Variants in EFCAB6 observed in about 807,000 individuals in gnomAD.
EFCAB6 encodes EF-hand calcium-binding domain-containing protein 6.
EFCAB6 carries 156 observed loss-of-function variants against 169.8 expected under a neutral mutation model. The ratio of observed to expected loss-of-function variants is 0.92; its 90% CI spans 0.81 to 1.05. The LOEUF (loss-of-function observed/expected upper bound fraction) is 1.05, where lower values mean the gene tolerates loss of function less well. Among genes scored for constraint, EFCAB6 ranks in the 50% least tolerant of loss-of-function variants. The pLI is 0.00. For missense variants in EFCAB6, 1,800 were observed against 1,829.1 expected (o/e 0.98, Z 0.29); for synonymous variants, 698 against 676.4 (o/e 1.03, Z -0.50).
intron 10 of EFCAB6, among the ~76,000 whole-genome samples, chr22:43,695,387 G>C (rs1363373851): frequency 6.6e-6 from 1 of 151,848 alleles, no homozygotes; most frequent in Non-Finnish European, 1.5e-5. Context: ...TTTATGGAGT[G>C]GAAAACAATA....
intron 26 of EFCAB6, among the ~76,000 whole-genome samples, chr22:43,564,562 G>C (rs1412097121): frequency 2.0e-5 from 3 of 152,180 alleles, no homozygotes; most frequent in African/African-American, 7.2e-5. Context: ...AAAGCTCTAA[G>C]GGAGAAGCTG....
chr22:43,684,201 C>G (rs545144623), intron 11 of EFCAB6, among the ~76,000 whole-genome samples: 4 of 152,192 alleles, frequency 2.6e-5, no homozygotes, highest in Non-Finnish European at 4.4e-5. Flanking sequence ...GGGAGCCCCC[C>G]CTCCTGTGTG....
chr22:43,738,909 C>T lies in EFCAB6; in HGVS notation c.508-2916G>A, dbSNP rs145235346. 2.0e-5 allele frequency among the ~76,000 whole-genome samples: 3 copies of T among 152,324 alleles called. No individual in the cohort carries two copies. In the East Asian group the frequency reaches 5.8e-4, roughly 29 times the overall value. Reference sequence around the variant, plus strand: ...TGTTGTAAGGGATCAAGGGATGAACCTCCGTGATCCTACCTATGGCCAGGT... The same window carrying T: ...TGTTGTAAGGGATCAAGGGATGAACTTCCGTGATCCTACCTATGGCCAGGT... On this transcript the variant is annotated intron_variant, in intron 6 of 31. Coordinates refer to ENST00000262726, the MANE Select transcript of EFCAB6 (RefSeq NM_022785.4).
At chr22:43,636,546 G>A (rs561548566) in intron 17 of EFCAB6, among the ~76,000 whole-genome samples, 1 of 151,796 alleles carries the variant, frequency 6.6e-6, no homozygotes, top group South Asian at 2.1e-4. Flanking sequence ...AGGGAGTTTG[G>A]GTCACTTTTC....
At chr22:43,804,294 C>G (rs1266208266) in intron 2 of EFCAB6, among the ~76,000 whole-genome samples, 1 of 152,048 alleles carries the variant, frequency 6.6e-6, no homozygotes, top group Admixed American at 6.5e-5. Context: ...AAATCCAACA[C>G]ACCAAAGTCT....
At chr22:43,792,004 G>A (rs567467185) in intron 2 of EFCAB6, among the ~76,000 whole-genome samples, 1 of 152,306 alleles carries the variant, frequency 6.6e-6, no homozygotes, top group South Asian at 2.1e-4. Flanking sequence ...ACAAGTAGCA[G>A]GATGAGCCTT....
At chr22:43,777,416 A>T (rs1055030701) in intron 3 of EFCAB6, among the ~76,000 whole-genome samples, 1 of 152,214 alleles carries the variant, frequency 6.6e-6, no homozygotes, top group African/African-American at 2.4e-5. Context: ...GAACAGAGGA[A>T]TGAGCACAGC....
chr22:43,645,731 T>C (rs1312652080), intron 17 of EFCAB6, among the ~76,000 whole-genome samples: 1 of 152,220 alleles, frequency 6.6e-6, no homozygotes, highest in African/African-American at 2.4e-5. Context: ...TGGAAATGTA[T>C]AAAATTGGAC....
At chr22:43,737,453 TACACACACACCCCTGTGCATATATTC>T (rs1054778480) in intron 6 of EFCAB6, among the ~76,000 whole-genome samples, 2 of 136,792 alleles carry the variant, frequency 1.5e-5, no homozygotes, top group Admixed American at 7.5e-5. Context: ...CATATATTCA[TACACACACACCCCTGTGCATATATTC>T]ACACACACAC....
chr22:43,712,825 A>T (rs1173045036), intron 9 of EFCAB6, among the ~76,000 whole-genome samples: 1 of 152,190 alleles, frequency 6.6e-6, no homozygotes, highest in African/African-American at 2.4e-5. Flanking sequence ...TGCGATGATC[A>T]AGAGCTTTTA....
intron 27 of EFCAB6, among the ~76,000 whole-genome samples, chr22:43,548,385 C>T (rs1422532331): frequency 1.3e-5 from 2 of 148,966 alleles, no homozygotes; most frequent in Non-Finnish European, 3.0e-5. Flanking sequence ...TACTAAAATA[C>T]AAAAATTAGC....
chr22:43,635,157 T>G lies in EFCAB6; in HGVS notation c.2043A>C (p.Lys681Asn). 1 of 1,614,118 alleles carries G rather than the reference T, an allele frequency of 6.2e-7. No individual in the cohort carries two copies. The highest frequency in any genetic ancestry group is 8.5e-7 in the Non-Finnish European group (1 of 1,180,012). ...TCATCCCTTCCTTCTCGAAGCCTAT[T>G]TTAGTGGTCAGCAGGGCATACTGAT... The part of the protein sequence containing the change: ...DDDQYALLTT[K>N]IGFEKEGMSY... The change falls in exon 18 of 32, where the codon AAA becomes AAC. Residue 681 changes from lysine (K) to asparagine (N), a missense_variant. Transcript: ENST00000262726.
intron 12 of EFCAB6, among the ~76,000 whole-genome samples, chr22:43,682,083 C>T (rs1246242959): frequency 1.3e-5 from 2 of 152,190 alleles, no homozygotes; most frequent in Admixed American, 6.5e-5. Flanking sequence ...CCAGCCCTGC[C>T]CACTCCTGGC....
chr22:43,739,277 C>T (rs1280586833), intron 6 of EFCAB6, among the ~76,000 whole-genome samples: 2 of 152,248 alleles, frequency 1.3e-5, no homozygotes, highest in Non-Finnish European at 2.9e-5. Flanking sequence ...TTTGACACAG[C>T]TGCTTGGCCC....
rs6006546 is a variant in EFCAB6 at position 43,795,643 on chromosome 22, G to A, written c.-7-13318C>T. On this transcript the variant is annotated intron_variant, in intron 2 of 31. Coordinates refer to ENST00000262726, the MANE Select transcript of EFCAB6 (RefSeq NM_022785.4). This position sits in a 1 kb window ranked among gnomAD's most constrained non-coding sequence, Gnocchi z 4.2. The stretch of plus-strand genomic sequence containing the variant: ...CCGGCACTGTACATACCCCAACTTC[G>A]CATTACACTTTTAGTTGGGAAATTA... 0.3 allele frequency among the ~76,000 whole-genome samples: 46,078 copies of A among 151,892 alleles called. 7,375 individuals are homozygous for A. The highest frequency in any genetic ancestry group is 0.38 in the Middle Eastern group (113 of 294).
In EFCAB6 at chr22:43,542,535, G is replaced by A. The variant is rs140056572; in HGVS notation, c.3649-2178C>T. On this transcript the variant is annotated intron_variant, in intron 27 of 31. Coordinates refer to ENST00000262726, the MANE Select transcript of EFCAB6 (RefSeq NM_022785.4). The stretch of plus-strand genomic sequence containing the variant: ...GTGGATGCTGCAGTGAGCCAATGTC[G>A]CACCACTGCACTTCAGCCTGGGCAA... Among the ~76,000 whole-genome samples, 64 of 152,210 alleles carry A rather than the reference G, an allele frequency of 4.2e-4. 1 individual carries two copies. The highest frequency in any genetic ancestry group is 1.5e-3 in the African/African-American group (62 of 41,500).
intron 22 of EFCAB6, among the ~76,000 whole-genome samples, chr22:43,602,826 G>A (rs2052620261): frequency 6.6e-6 from 1 of 151,942 alleles, no homozygotes; most frequent in Non-Finnish European, 1.5e-5. Context: ...AGGACCCGAC[G>A]GGTTAGTGCA....
chr22:43,768,032 T>C (rs1209598865), intron 4 of EFCAB6, among the ~76,000 whole-genome samples: 1 of 152,200 alleles, frequency 6.6e-6, no homozygotes, highest in Non-Finnish European at 1.5e-5. Flanking sequence ...GTGATAAGTA[T>C]CTTGCAAGAA....
intron 17 of EFCAB6, among the ~76,000 whole-genome samples, chr22:43,635,419 G>A (rs1343258679): frequency 6.6e-6 from 1 of 152,154 alleles, no homozygotes; most frequent in Non-Finnish European, 1.5e-5. Context: ...TTGGGTGAGT[G>A]AGTGAACGAA....
Sources: allele counts gnomAD v4.1 joint callset (sites outside exome capture counted in the v4.1 genomes callset), GRCh38; gene constraint gnomAD v4.1.1; non-coding constraint Gnocchi (gnomAD v3.1); transcripts MANE v1.5; gene names NCBI Gene and HGNC (gene_info 2026-07-23, HGNC 2026-07-21).